The following ZNF776 variants were observed in gnomAD, a reference collection of about 807,000 sequenced individuals.
ZNF776 encodes the protein zinc finger protein 776.
In ZNF776, 4 loss-of-function variants were observed where a neutral mutation model predicts 7.0. The observed-to-expected ratio is 0.57, with a 90% confidence interval of 0.28 to 1.31. The LOEUF (loss-of-function observed/expected upper bound fraction) is 1.31. Ranked by LOEUF, ZNF776 falls within the 50% of genes most tolerant of loss-of-function variation. The probability of loss-of-function intolerance (pLI) is 0.10; values close to 1 mark genes in which losing one functional copy is unlikely to be tolerated. For missense variants in ZNF776, 555 were observed against 625.9 expected, an observed-to-expected ratio of 0.89 and a Z score of 1.21; for synonymous variants, 212 against 213.7, an observed-to-expected ratio of 0.99 and a Z score of 0.07.
In ZNF776 at chr19:57,755,625, G is replaced by A. The variant is rs1322685004; in HGVS notation, c.*938G>A. 6.6e-6 allele frequency: 1 copy of A among 152,188 alleles called. No homozygotes were observed. The highest frequency in any genetic ancestry group is 6.5e-5 in the Admixed American group (1 of 15,276). The allele number at this position is 152,188 out of a possible 1,614,324, so 9.4% of individuals were successfully genotyped here. A position where few individuals can be genotyped will look rare whatever the true frequency, so the allele number is the denominator to read the frequency against. ...TCTTGTCCAGTGTAACTGTGGGAGA[G>A]AGCCCTTATGAGGACACCATCAACC... On this transcript the variant is annotated 3_prime_UTR_variant, in exon 3 of 3. Coordinates refer to ENST00000317178, the MANE Select transcript of ZNF776 (RefSeq NM_173632.4).
rs1221964335 is a variant in ZNF776, at chr19:57,755,052, T to G, written c.*365T>G. 2 of 215,944 alleles carry G rather than the reference T, an allele frequency of 9.3e-6. No individual in the cohort carries two copies. The highest frequency in any genetic ancestry group is 4.6e-5 in the African/African-American group (2 of 43,266). The allele number at this position is 215,944 out of a possible 1,614,324, so 13.4% of individuals were successfully genotyped here. A position where few individuals can be genotyped will look rare whatever the true frequency, so the allele number is the denominator to read the frequency against. On this transcript the variant is annotated 3_prime_UTR_variant, in exon 3 of 3. Coordinates refer to ENST00000317178, the MANE Select transcript of ZNF776 (RefSeq NM_173632.4). ...TGTAAAATTATTTAGCCAGAAGAGC[T>G]GCATTACTATTCATCAGATAATTTA... is the stretch of plus-strand genomic sequence containing the variant.
Position 57,753,907 on chromosome 19 carries a change from T to G in ZNF776, c.777T>G (p.Thr259=). ...TTAATAATCATCAGGGAGTTCGCAC[T>G]GGAAAAAGACCTTATCAGTGTGGAC... is the stretch of plus-strand genomic sequence containing the variant. ...NSFNNHQGVR[T]GKRPYQCGQC... is the part of the protein sequence containing the mutation. The change falls in exon 3 of 3, where the codon ACT becomes ACG. Residue 259 remains threonine (T), a synonymous_variant. Coordinates refer to ENST00000317178, the MANE Select transcript of ZNF776 (RefSeq NM_173632.4). 1.9e-6 allele frequency: 3 copies of G among 1,614,240 alleles called. No homozygotes were observed. The highest frequency in any genetic ancestry group is 2.5e-6 in the Non-Finnish European group (3 of 1,180,050).
At position 57,754,661 on chromosome 19, in the gene ZNF776, A is replaced by G. The variant is rs201358962; in HGVS notation, c.1531A>G (p.Thr511Ala). The change falls in exon 3 of 3, where the codon ACG (threonine) becomes GCG (alanine). Residue 511 changes from threonine to alanine, a missense_variant. Physicochemically the swap from Thr to Ala is moderately conservative, Grantham distance 58. Coordinates refer to ENST00000317178, the MANE Select transcript of ZNF776 (RefSeq NM_173632.4). ...GNLIKHQRVH[T>A]GERHHEC ...CCTCATTAAACATCAACGAGTTCAC[A>G]CGGGAGAAAGACATCATGAATGTTG... is the stretch of plus-strand genomic sequence containing the variant. The G allele has an allele frequency of 6.8e-6, 11 of 1,612,514 alleles. No homozygotes were observed. In the African/African-American group the frequency reaches 9.3e-5, roughly 14 times the overall value.
chr19:57,747,171 C>A, intron 1 of ZNF776, 80 bp downstream of exon 1: 1 of 1,458,226 alleles, frequency 6.9e-7, no homozygotes, highest in Non-Finnish European at 9.3e-7. Flanking sequence ...GGCGCCTGCT[C>A]AAGGTTTTAC....
intron 1 of ZNF776, among the ~76,000 whole-genome samples, chr19:57,747,845 CT>C (rs35757667): frequency 0.38 from 55,114 of 144,732 alleles, 12,468 homozygotes; most frequent in South Asian, 0.61. Flanking sequence ...TCTTAGGTAC[CT>C]TTTTTTTTTT....
Position 57,755,034 on chromosome 19 carries a change from T to C in ZNF776, c.*347T>C. 4.0e-6 allele frequency: 1 copy of C among 247,610 alleles called. No individual in the cohort carries two copies. The highest frequency in any genetic ancestry group is 2.2e-5 in the African/African-American group (1 of 44,606). 15.3% of individuals were successfully genotyped at this position (247,610 alleles called of 1,614,324 possible). A position where few individuals can be genotyped will look rare whatever the true frequency, so the allele number is the denominator to read the frequency against. ...ATATGACTGTAAGGAATTTGTAAAA[T>C]TATTTAGCCAGAAGAGCTGCATTAC... On this transcript the variant is annotated 3_prime_UTR_variant, in exon 3 of 3. Transcript: ENST00000317178.
At chr19:57,750,090 G>C (rs892256663) in intron 1 of ZNF776, among the ~76,000 whole-genome samples, 1 of 152,142 alleles carries the variant, frequency 6.6e-6, no homozygotes, top group Admixed American at 6.5e-5. Context: ...GCAGTTTAGT[G>C]GGGGTGGCCA....
At position 57,754,844 on chromosome 19, in the gene ZNF776, T is replaced by TGA. The variant is rs1381471184; in HGVS notation, c.*159_*160dup. The TGA allele has an allele frequency of 2.8e-6, 2 of 714,394 alleles. No individual in the cohort carries two copies. The highest frequency in any genetic ancestry group is 5.8e-5 in the Admixed American group (2 of 34,654). The allele number at this position is 714,394 out of a possible 1,614,324, so 44.3% of individuals were successfully genotyped here. On this transcript the variant is annotated 3_prime_UTR_variant, in exon 3 of 3. Coordinates refer to ENST00000317178, the MANE Select transcript of ZNF776 (RefSeq NM_173632.4). ...AAGATCACACTGGGGAAAGGCTTTCTGAGTGTAGAGAATGTATGAAATCCT... is the reference window on the plus strand; with the variant it reads ...AAGATCACACTGGGGAAAGGCTTTCTGAGAGTGTAGAGAATGTATGAAATCCT...
At chr19:57,748,714 A>T (rs1403485141) in intron 1 of ZNF776, among the ~76,000 whole-genome samples, 2 of 152,198 alleles carry the variant, frequency 1.3e-5, no homozygotes, top group African/African-American at 4.8e-5. Context: ...ACCTGTCAGC[A>T]TAATTTGACA....
chr19:57,752,964 T>G (rs1194066984), intron 2 of ZNF776, among the ~76,000 whole-genome samples: 3 of 152,240 alleles, frequency 2.0e-5, no homozygotes, highest in Non-Finnish European at 4.4e-5. Context: ...ACAGAGGTAT[T>G]ACTCCATGGA....
Position 57,754,681 on chromosome 19 carries a change from A to G in ZNF776, c.1551A>G (p.Glu517=), listed in dbSNP as rs1986725263. ...QRVHTGERHH[E]C ...TTCACACGGGAGAAAGACATCATGA[A>G]TGTTGAAAATTTGGCAGATCTGTTG... Residue 517 remains glutamate (E), a synonymous_variant, in exon 3 of 3, where the codon GAA becomes GAG. Transcript: ENST00000317178. 6.2e-7 allele frequency: 1 copy of G among 1,606,810 alleles called. No homozygotes were observed. The highest frequency in any genetic ancestry group is 8.5e-7 in the Non-Finnish European group (1 of 1,174,396).
rs1986574103 is a variant in ZNF776, at chr19:57,750,673, G to A, written c.34-112G>A. The A allele has an allele frequency of 2.1e-5, 29 of 1,388,430 alleles. No homozygotes were observed. In the South Asian group the frequency reaches 3.4e-4, roughly 16 times the overall value. The allele number at this position is 1,388,430 out of a possible 1,614,324, so 86.0% of individuals were successfully genotyped here. A position where few individuals can be genotyped will look rare whatever the true frequency, so the allele number is the denominator to read the frequency against. On this transcript the variant is annotated intron_variant, in intron 1 of 2. Transcript: ENST00000317178. ...AGCCCATGAGAAGATAGTGACACCA[G>A]TGGGCCTAGTTTCTCCTTGTAGTTT... is the stretch of plus-strand genomic sequence containing the variant.
rs1055682956 is a variant in ZNF776, at chr19:57,756,273, C to T, written c.*1586C>T. Reference sequence around the variant, plus strand: ...TGATTCTTAAAATGGAATTTTCCAGCCTCTTAACTCACCAACCCAAGTACA... The same window carrying T: ...TGATTCTTAAAATGGAATTTTCCAGTCTCTTAACTCACCAACCCAAGTACA... On this transcript the variant is annotated 3_prime_UTR_variant, in exon 3 of 3. Coordinates refer to ENST00000317178, the MANE Select transcript of ZNF776 (RefSeq NM_173632.4). The T allele has an allele frequency of 5.0e-5, 4 of 80,208 alleles. No individual in the cohort carries two copies. Among genetic ancestry groups the T allele is most frequent in the Non-Finnish European group, 8.7e-5 (4 of 45,746 alleles). 5.0% of individuals were successfully genotyped at this position (80,208 alleles called of 1,614,324 possible).
Position 57,756,591 on chromosome 19 carries a change from A to T in ZNF776, c.*1904A>T, listed in dbSNP as rs375325856. The stretch of plus-strand genomic sequence containing the variant: ...CAAATAAAGACTTCAGGGCTTTGTG[A>T]TCTTTATTTTTAGATGAAATAGTGC... On this transcript the variant is annotated 3_prime_UTR_variant, in exon 3 of 3. Coordinates refer to ENST00000317178, the MANE Select transcript of ZNF776 (RefSeq NM_173632.4). 17 of 169,998 alleles carry T rather than the reference A, an allele frequency of 1.0e-4. No individual in the cohort carries two copies. The highest frequency in any genetic ancestry group is 3.8e-4 in the African/African-American group (16 of 41,804). 10.5% of individuals were successfully genotyped at this position (169,998 alleles called of 1,614,324 possible).
chr19:57,753,136 A>G, intron 2 of ZNF776, 155 bp from the exon 3 acceptor site: 1 of 681,980 alleles, frequency 1.5e-6, no homozygotes, highest in Non-Finnish European at 2.4e-6. Context: ...GCAAACATCT[A>G]AAGGACCTTC....
Position 57,754,186 on chromosome 19 carries a change from ATG to A in ZNF776, c.1059_1060del (p.Cys353TrpfsTer5). On this transcript the variant is annotated frameshift_variant, in exon 3 of 3. Transcript: ENST00000317178. LOFTEE classifies it low-confidence loss of function (END_TRUNC). ...TGERPYQCGE[C>X]GKSFNHKCNL... ...GAGAAAGACCTTATCAGTGTGGAGA[ATG>A]TGGGAAATCGTTTAATCACAAGTGC... is the stretch of plus-strand genomic sequence containing the variant. 1 of 1,614,180 alleles carries A rather than the reference ATG, an allele frequency of 6.2e-7. No homozygotes were observed. The highest frequency in any genetic ancestry group is 8.5e-7 in the Non-Finnish European group (1 of 1,179,994).
At chr19:57,751,007 C>T in intron 2 of ZNF776, 96 bp downstream of exon 2, 1 of 1,409,164 alleles carries the variant, frequency 7.1e-7, no homozygotes, top group Non-Finnish European at 9.4e-7. Flanking sequence ...ACTTCAGGAG[C>T]CTGGGCACAG....
intron 1 of ZNF776, chr19:57,749,175 T>C (rs993489171): frequency 2.6e-5 from 4 of 152,208 alleles, no homozygotes; most frequent in African/African-American, 9.7e-5. Context: ...TTTCACCATA[T>C]TGGCCAGGCT....
intron 1 of ZNF776, among the ~76,000 whole-genome samples, chr19:57,750,368 G>C (rs1986563842): frequency 6.6e-6 from 1 of 151,070 alleles, no homozygotes; most frequent in East Asian, 1.9e-4. Flanking sequence ...GTAGACAGAG[G>C]TTGCAGAGAG....
Sources: gnomAD v4.1 joint callset for allele counts (sites outside exome capture counted in the v4.1 genomes callset) on GRCh38, gnomAD v4.1.1 for gene constraint, MANE v1.5 for transcripts, NCBI Gene and HGNC (gene_info 2026-07-23, HGNC 2026-07-21) for gene names.